The following SMAD2 variants were observed in gnomAD, a reference collection of about 807,000 sequenced individuals.
The protein encoded by SMAD2 is SMAD family member 2.
Under a neutral mutation model 64.4 loss-of-function variants are expected in SMAD2, and 8 were observed. That is an observed-to-expected ratio of 0.12 (90% confidence interval 0.07 to 0.22). SMAD2 has a LOEUF of 0.22. SMAD2 is among the 10% of genes least tolerant of loss of function. The pLI is 1.00. For missense variants in SMAD2, 289 were observed against 561.2 expected (o/e 0.51, Z 4.90); for synonymous variants, 203 against 195.8 (o/e 1.04, Z -0.31).
chr18:47,926,681 G>C (rs914194528), intron 1 of SMAD2, among the ~76,000 whole-genome samples: 1 of 152,194 alleles, frequency 6.6e-6, no homozygotes, highest in East Asian at 1.9e-4. Context: ...GCTATGGACT[G>C]GGACAATTTG....
intron 1 of SMAD2, among the ~76,000 whole-genome samples, chr18:47,898,672 T>A (rs1481001252): frequency 2.6e-5 from 4 of 151,982 alleles, no homozygotes; most frequent in Non-Finnish European, 5.9e-5. Context: ...TTTTTTTTTT[T>A]AAATATTCCC....
At chr18:47,850,466 A>T (rs868716199) in intron 7 of SMAD2, among the ~76,000 whole-genome samples, 1 of 21,614 alleles carries the variant, frequency 4.6e-5, no homozygotes. Context: ...TATTATACAT[A>T]ATATATATTA....
At chr18:47,870,624 T>TA in intron 2 of SMAD2, 60 bp from the exon 3 acceptor site, 2 of 1,020,682 alleles carry the variant, frequency 2.0e-6, no homozygotes, top group Non-Finnish European at 3.1e-6. Flanking sequence ...TTATTCAAAA[T>TA]ACCATGATGT....
intron 1 of SMAD2, among the ~76,000 whole-genome samples, chr18:47,905,722 A>T (rs1463298354): frequency 6.6e-6 from 1 of 152,250 alleles, no homozygotes; most frequent in Admixed American, 6.5e-5. Flanking sequence ...CCACAAGTGC[A>T]TACCATCTTC....
At chr18:47,907,208 C>G (rs2033939970) in intron 1 of SMAD2, among the ~76,000 whole-genome samples, 1 of 152,084 alleles carries the variant, frequency 6.6e-6, no homozygotes, top group South Asian at 2.1e-4. Flanking sequence ...CGTATGTCCA[C>G]AAAAAGAAAC....
rs988298544 is a variant in SMAD2 at position 47,813,517 on chromosome 18, C to T, written c.*28310G>A. On this transcript the variant is annotated 3_prime_UTR_variant, in exon 11 of 11. Coordinates refer to ENST00000262160, the MANE Select transcript of SMAD2 (RefSeq NM_005901.6). ...TGCCTCCCGGGTTCATGCGATTCTC[C>T]TGCCTCAGCCTCCCGAGTAGCTGGG... 7.3e-5 allele frequency: 11 copies of T among 151,418 alleles called. No individual in the cohort carries two copies. Among genetic ancestry groups the T allele is most frequent in the Admixed American group, 3.3e-4 (5 of 15,154 alleles). 9.4% of individuals were successfully genotyped at this position (151,418 alleles called of 1,614,324 possible).
intron 2 of SMAD2, among the ~76,000 whole-genome samples, chr18:47,886,597 CTAT>C (rs2032919884): frequency 6.6e-6 from 1 of 151,734 alleles, no homozygotes; most frequent in Admixed American, 6.6e-5. Flanking sequence ...ATCTATCTAT[CTAT>C]CTATCTATCT....
chr18:47,822,607 T>C lies in SMAD2; in HGVS notation c.*19220A>G, dbSNP rs537736665. On this transcript the variant is annotated 3_prime_UTR_variant, in exon 11 of 11. Transcript: ENST00000262160. The stretch of plus-strand genomic sequence containing the variant: ...TAGTTTACAGCAATTTGGAATACTT[T>C]TGTGAACAAAGGTAGAAATATTTGC... The C allele has an allele frequency of 6.6e-6, 1 of 152,388 alleles. No individual in the cohort carries two copies. Among genetic ancestry groups the C allele is most frequent in the African/African-American group, 2.4e-5 (1 of 41,600 alleles). The allele number at this position is 152,388 out of a possible 1,614,324, so 9.4% of individuals were successfully genotyped here.
chr18:47,915,193 T>C (rs1462189484), intron 1 of SMAD2, among the ~76,000 whole-genome samples: 1 of 152,218 alleles, frequency 6.6e-6, no homozygotes, highest in Admixed American at 6.5e-5. Flanking sequence ...GTATTCCTCT[T>C]TGATAACATT....
Position 47,818,125 on chromosome 18 carries a change from G to T in SMAD2, c.*23702C>A, listed in dbSNP as rs1598721441. ...GAGACTGCAGCTATAGAGTTGATAT[G>T]TAGAGTCTTCTAAGCTCTCTAATTT... On this transcript the variant is annotated 3_prime_UTR_variant, in exon 11 of 11. Coordinates refer to ENST00000262160, the MANE Select transcript of SMAD2 (RefSeq NM_005901.6). 2 of 152,216 alleles carry T rather than the reference G, an allele frequency of 1.3e-5. No homozygotes were observed. 9.4% of individuals were successfully genotyped at this position (152,216 alleles called of 1,614,324 possible). A position where few individuals can be genotyped will look rare whatever the true frequency, so the allele number is the denominator to read the frequency against.
intron 6 of SMAD2, among the ~76,000 whole-genome samples, chr18:47,861,793 C>T (rs992330666): frequency 2.0e-5 from 3 of 152,186 alleles, no homozygotes; most frequent in African/African-American, 7.2e-5. Context: ...CACTATCTTC[C>T]TTTTTCTTAA....
At chr18:47,867,830 G>A (rs988449693) in intron 5 of SMAD2, among the ~76,000 whole-genome samples, 6 of 152,076 alleles carry the variant, frequency 3.9e-5, no homozygotes, top group South Asian at 2.1e-4. Context: ...GTTTTCTGAC[G>A]TTCGTGTTAT....
rs1318105801 is a variant in SMAD2 at position 47,820,074 on chromosome 18, G to T, written c.*21753C>A. Reference sequence around the variant, plus strand: ...TGTTAATGAACTTTTCATGTAATTTGAAATCTTATAAATTAATCTTCAGTA... The same window carrying T: ...TGTTAATGAACTTTTCATGTAATTTTAAATCTTATAAATTAATCTTCAGTA... On this transcript the variant is annotated 3_prime_UTR_variant, in exon 11 of 11. Transcript: ENST00000262160. 1 of 151,880 alleles carries T rather than the reference G, an allele frequency of 6.6e-6. No homozygotes were observed. Among genetic ancestry groups the T allele is most frequent in the Non-Finnish European group, 1.5e-5 (1 of 68,002 alleles). The allele number at this position is 151,880 out of a possible 1,614,324, so 9.4% of individuals were successfully genotyped here. A position where few individuals can be genotyped will look rare whatever the true frequency, so the allele number is the denominator to read the frequency against.
intron 6 of SMAD2, among the ~76,000 whole-genome samples, chr18:47,864,255 T>C (rs1284395346): frequency 2.6e-5 from 4 of 152,160 alleles, no homozygotes; most frequent in Non-Finnish European, 2.9e-5. Context: ...AGAAACTTCT[T>C]TACCTGGGAG....
chr18:47,857,562 T>G (rs1245958767), intron 6 of SMAD2, among the ~76,000 whole-genome samples: 1 of 152,206 alleles, frequency 6.6e-6, no homozygotes. Flanking sequence ...AAAAATTCTA[T>G]TTTTCTTTAA....
At position 47,841,743 on chromosome 18, in the gene SMAD2, A is replaced by G. The variant is rs993131462; in HGVS notation, c.*84T>C. 3 of 1,528,486 alleles carry G rather than the reference A, an allele frequency of 2.0e-6. No individual in the cohort carries two copies. The highest frequency in any genetic ancestry group is 1.8e-6 in the Non-Finnish European group (2 of 1,104,944). The allele number at this position is 1,528,486 out of a possible 1,614,324, so 94.7% of individuals were successfully genotyped here. The stretch of plus-strand genomic sequence containing the variant: ...TTTCTCTCTTGAACTTTTGGATAGT[A>G]AACAGTCCATAGGGACCACACACAA... On this transcript the variant is annotated 3_prime_UTR_variant, in exon 11 of 11. Transcript: ENST00000262160.
Position 47,841,869 on chromosome 18 carries a change from A to C in SMAD2, c.1362T>G (p.Thr454=), listed in dbSNP as rs1316461910. ...GPLQWLDKVL[T]QMGSPSVRCS... ...AACGCACTGAAGGGGATCCCATCTG[A>C]GTTAATACTTTGTCCAACCACTGTA... The change falls in exon 11 of 11, where the codon ACT becomes ACG. Residue 454 remains threonine (T), a synonymous_variant. Transcript: ENST00000262160. The C allele has an allele frequency of 6.2e-7, 1 of 1,614,134 alleles. No individual in the cohort carries two copies. Among genetic ancestry groups the C allele is most frequent in the South Asian group, 1.1e-5 (1 of 91,076 alleles).
Position 47,826,779 on chromosome 18 carries a change from G to A in SMAD2, c.*15048C>T, listed in dbSNP as rs909761635. The A allele has an allele frequency of 6.6e-6, 1 of 152,204 alleles. No individual in the cohort carries two copies. The highest frequency in any genetic ancestry group is 6.5e-5 in the Admixed American group (1 of 15,282). The allele number at this position is 152,204 out of a possible 1,614,324, so 9.4% of individuals were successfully genotyped here. A position where few individuals can be genotyped will look rare whatever the true frequency, so the allele number is the denominator to read the frequency against. On this transcript the variant is annotated 3_prime_UTR_variant, in exon 11 of 11. Coordinates refer to ENST00000262160, the MANE Select transcript of SMAD2 (RefSeq NM_005901.6). ...CATCACATTTACAAACTTTCTTAGA[G>A]AAAGATTTGTTATTAGCAAAGACCT...
At chr18:47,910,390 A>G (rs1031285144) in intron 1 of SMAD2, among the ~76,000 whole-genome samples, 4 of 152,122 alleles carry the variant, frequency 2.6e-5, no homozygotes, top group Admixed American at 6.5e-5. Context: ...TATATAATAT[A>G]GGGTTCTAAT....
Sources: allele counts gnomAD v4.1 joint callset (sites outside exome capture counted in the v4.1 genomes callset), GRCh38; gene constraint gnomAD v4.1.1; transcripts MANE v1.5; gene names NCBI Gene and HGNC (gene_info 2026-07-23, HGNC 2026-07-21).